Variants in FCSK observed in about 807,000 individuals in gnomAD.
FCSK encodes the protein fucose kinase.
In FCSK, 123 loss-of-function variants were observed where a neutral mutation model predicts 122.5. The observed-to-expected ratio is 1.00, with a 90% CI of 0.87 to 1.17. The LOEUF (loss-of-function observed/expected upper bound fraction) is 1.17, where lower values mean the gene tolerates loss of function less well. FCSK is among the 50% of genes most tolerant of loss of function. FCSK has a pLI of 0.00. For synonymous variants in FCSK, 620 were observed against 625.5 expected (o/e 0.99, Z 0.13); for missense variants, 1,366 against 1,450.4 (o/e 0.94, Z 0.95).
intron 1 of FCSK, among the ~76,000 whole-genome samples, chr16:70,460,263 C>T (rs1234237965): frequency 6.6e-6 from 1 of 151,862 alleles, no homozygotes; most frequent in Non-Finnish European, 1.5e-5. Context: ...AGGCACCCGC[C>T]ACCACGCCCA....
In FCSK at chr16:70,469,175, C is replaced by G. The variant is rs762451359; in HGVS notation, c.807C>G (p.Leu269=). The part of the protein sequence containing the change: ...PVQLSLFFDI[L]HCMAENVTRE... ...AGCTGTCTCTGTTTTTTGACATTCTCCACTGCATGGCTGAGAACGTGACCA... is the reference window on the plus strand; with the variant it reads ...AGCTGTCTCTGTTTTTTGACATTCTGCACTGCATGGCTGAGAACGTGACCA... The change falls in exon 10 of 24, where the codon CTC becomes CTG. Residue 269 remains leucine (L), a synonymous_variant. Transcript: ENST00000288078. The G allele has an allele frequency of 1.9e-6, 3 of 1,614,028 alleles. No individual in the cohort carries two copies. Among genetic ancestry groups the G allele is most frequent in the South Asian group, 2.2e-5 (2 of 91,082 alleles).
intron 18 of FCSK, 136 bp from the exon 19 acceptor site, chr16:70,475,214 G>C: frequency 9.1e-7 from 1 of 1,104,486 alleles, no homozygotes; most frequent in Middle Eastern, 2.3e-4. Context: ...TTGTGGCTTG[G>C]GGATGGGGCC....
chr16:70,464,281 G>A (rs768244615), intron 3 of FCSK, among the ~76,000 whole-genome samples: 1 of 152,182 alleles, frequency 6.6e-6, no homozygotes, highest in Non-Finnish European at 1.5e-5. Context: ...GGGGACCACT[G>A]TAGCTGCCAT....
chr16:70,466,500 C>T (rs895256424), intron 5 of FCSK: 27 of 520,560 alleles, frequency 5.2e-5, no homozygotes, highest in African/African-American at 7.6e-5. Flanking sequence ...CATGACCAGC[C>T]TGGGCAACAC....
chr16:70,461,898 C>G (rs951890805), intron 1 of FCSK, among the ~76,000 whole-genome samples: 8 of 152,230 alleles, frequency 5.3e-5, no homozygotes, highest in African/African-American at 1.2e-4. Context: ...ATGAAATCTT[C>G]TGTTCACACG....
Position 70,475,341 on chromosome 16 carries a change from C to G in FCSK, c.2378-9C>G. 3 of 1,609,024 alleles carry G rather than the reference C, an allele frequency of 1.9e-6. No individual in the cohort carries two copies. Among genetic ancestry groups the G allele is most frequent in the Non-Finnish European group, 2.5e-6 (3 of 1,179,834 alleles). On this transcript the variant is annotated splice_polypyrimidine_tract_variant and intron_variant, in intron 18 of 23. Transcript: ENST00000288078. ...ACTGAATTCCTTTCTCATGCCTGTC[C>G]TTCTGCAGGGGCCCTGCTGAAGGCG...
chr16:70,475,555 T>C, intron 19 of FCSK, 62 bp downstream of exon 19: 1 of 1,588,706 alleles, frequency 6.3e-7, no homozygotes, highest in Non-Finnish European at 8.6e-7. Context: ...TTGCCTGTGA[T>C]CCCCCTTCCT....
chr16:70,474,867 C>T lies in FCSK; in HGVS notation c.2233C>T (p.Arg745Cys), dbSNP rs778729434. 22 of 1,598,578 alleles carry T rather than the reference C, an allele frequency of 1.4e-5. No homozygotes were observed. The highest frequency in any genetic ancestry group is 1.0e-4 in the South Asian group (9 of 89,140). The change falls in exon 18 of 24, where the codon CGC (arginine) becomes TGC (cysteine). Residue 745 changes from arginine (R) to cysteine (C), a missense_variant. Physicochemically the swap from Arg to Cys is radical, Grantham distance 180. Coordinates refer to ENST00000288078, the MANE Select transcript of FCSK (RefSeq NM_145059.3). ...VLGLAVRVDGRRPIGARARRI... is the reference protein window; with the variant it reads ...VLGLAVRVDGCRPIGARARRI... ...GGGCCTGGCTGTGCGAGTGGACGGC[C>T]GCCGGCCCATCGGAGCCAGGGCACG...
rs759565762 is a variant in FCSK, at chr16:70,467,957, G to A, written c.654G>A (p.Arg218=). 1.9e-6 allele frequency: 3 copies of A among 1,613,858 alleles called. No homozygotes were observed. The highest frequency in any genetic ancestry group is 2.5e-6 in the Non-Finnish European group (3 of 1,179,744). Residue 218 remains arginine (R), a synonymous_variant, in exon 8 of 24, where the codon CGG becomes CGA. Coordinates refer to ENST00000288078, the MANE Select transcript of FCSK (RefSeq NM_145059.3). The part of the protein sequence containing the change: ...EIQRCVRPDG[R]VPLVSGVVFF... The stretch of plus-strand genomic sequence containing the variant: ...AGCGGTGTGTCAGGCCTGATGGGCG[G>A]GTGCCACTGGTATGGCTGCTGGGCC...
chr16:70,454,652 G>T (rs938026417), intron 1 of FCSK, 22 bp downstream of exon 1: 8 of 141,986 alleles, frequency 5.6e-5, no homozygotes, highest in African/African-American at 1.9e-4. Context: ...CGCGAGGGTC[G>T]CCGCAGCGCC....
chr16:70,478,755 T>C (rs1344090390), intron 22 of FCSK, 105 bp downstream of exon 22: 5 of 938,160 alleles, frequency 5.3e-6, no homozygotes, highest in Non-Finnish European at 8.4e-6. Context: ...GCTCCAGATA[T>C]TCGGCCTCTG....
At chr16:70,455,669 A>G (rs760860378) in intron 1 of FCSK, among the ~76,000 whole-genome samples, 2 of 152,058 alleles carry the variant, frequency 1.3e-5, no homozygotes, top group African/African-American at 2.4e-5. Context: ...AAGCAGGTAG[A>G]TCACCTATGG....
At chr16:70,470,269 G>A in intron 10 of FCSK, 45 bp from the exon 11 acceptor site, 2 of 1,362,882 alleles carry the variant, frequency 1.5e-6, no homozygotes, top group Admixed American at 1.8e-5. Context: ...TGGCCCCTGA[G>A]TCGCAGCAGG....
At chr16:70,460,232 C>T (rs1361915917) in intron 1 of FCSK, among the ~76,000 whole-genome samples, 1 of 151,360 alleles carries the variant, frequency 6.6e-6, no homozygotes, top group Non-Finnish European at 1.5e-5. Flanking sequence ...TTGCCTCAGC[C>T]TCCCGAGTAG....
Position 70,478,697 on chromosome 16 carries a change from C to G in FCSK, c.2929+47C>G, listed in dbSNP as rs138245212. ...GGTCAGGGCACTGGGAGCGAGTATTCTGTCACTTGTGGGTTTGAGGCCAGG... is the reference window on the plus strand; with the variant it reads ...GGTCAGGGCACTGGGAGCGAGTATTGTGTCACTTGTGGGTTTGAGGCCAGG... On this transcript the variant is annotated intron_variant, in intron 22 of 23. Coordinates refer to ENST00000288078, the MANE Select transcript of FCSK (RefSeq NM_145059.3). 3,026 of 1,527,658 alleles carry G rather than the reference C, an allele frequency of 2.0e-3. 5 individuals carry two copies. Among genetic ancestry groups the G allele is most frequent in the Middle Eastern group, 3.0e-3 (18 of 5,902 alleles). 94.6% of individuals were successfully genotyped at this position (1,527,658 alleles called of 1,614,324 possible). A position where few individuals can be genotyped will look rare whatever the true frequency, so the allele number is the denominator to read the frequency against.
At chr16:70,478,826 G>A (rs1472556888) in intron 22 of FCSK, 176 bp downstream of exon 22, 3 of 713,902 alleles carry the variant, frequency 4.2e-6, no homozygotes, top group Admixed American at 4.0e-5. Context: ...AGCTACATCT[G>A]AGGACAAAAT....
At chr16:70,469,064 CGCAGACGGGA>C in intron 9 of FCSK, 78 bp from the exon 10 acceptor site, 1 of 1,606,638 alleles carries the variant, frequency 6.2e-7, no homozygotes, top group African/African-American at 1.3e-5. Flanking sequence ...GCAGAGTCTC[CGCAGACGGGA>C]CTGCCCTGGT....
intron 12 of FCSK, 48 bp from the exon 13 acceptor site, chr16:70,471,134 G>A: frequency 4.4e-6 from 7 of 1,590,490 alleles, no homozygotes; most frequent in Non-Finnish European, 6.0e-6. Flanking sequence ...TGTGTTGGGG[G>A]GTGTTGGGTG....
intron 18 of FCSK, 152 bp from the exon 19 acceptor site, chr16:70,475,198 G>A (rs1011233097): frequency 1.0e-5 from 10 of 1,001,638 alleles, no homozygotes; most frequent in Non-Finnish European, 1.4e-5. Context: ...GAGCCCAGAG[G>A]CCCTTTTGTG....
Sources: allele counts gnomAD v4.1 joint callset (sites outside exome capture counted in the v4.1 genomes callset), GRCh38; gene constraint gnomAD v4.1.1; transcripts MANE v1.5; gene names NCBI Gene and HGNC (gene_info 2026-07-23, HGNC 2026-07-21).